Variants in DIAPH2 observed in about 807,000 individuals in gnomAD.
DIAPH2 encodes the protein protein diaphanous homolog 2.
DIAPH2 carries 35 observed loss-of-function variants against 92.7 expected under a neutral mutation model. The ratio of observed to expected loss-of-function variants is 0.38; its 90% CI spans 0.29 to 0.50. The LOEUF is 0.50. Ranked by LOEUF, DIAPH2 falls within the 20% of genes least tolerant of loss-of-function variation. The pLI is 0.94. For missense variants in DIAPH2, 701 were observed against 819.5 expected (o/e 0.86, Z 1.77); for synonymous variants, 301 against 280.4 (o/e 1.07, Z -0.73).
At chrX:97,027,866 C>T (rs1436062529) in intron 17 of DIAPH2, among the ~76,000 whole-genome samples, 1 of 112,105 alleles carries the variant, frequency 8.9e-6, no homozygotes, top group Non-Finnish European at 1.9e-5. Flanking sequence ...ATTGAGTCTC[C>T]CTATGTTTCT....
At chrX:97,018,458 C>T (rs2147869399) in intron 17 of DIAPH2, among the ~76,000 whole-genome samples, 1 of 112,021 alleles carries the variant, frequency 8.9e-6, no homozygotes, top group East Asian at 2.8e-4. Flanking sequence ...ACAGCATTGC[C>T]AGTAGACCAA....
At chrX:96,721,706 T>C (rs2063989396) in intron 1 of DIAPH2, among the ~76,000 whole-genome samples, 1 of 112,012 alleles carries the variant, frequency 8.9e-6, no homozygotes, top group Admixed American at 9.5e-5. Context: ...CATCATACCA[T>C]AGTACTCTGT....
chrX:97,518,604 C>G (rs973194196), intron 26 of DIAPH2, among the ~76,000 whole-genome samples: 1 of 109,183 alleles, frequency 9.2e-6, no homozygotes, highest in Non-Finnish European at 1.9e-5. Flanking sequence ...ATCTAGTTTT[C>G]TCTCAGTAGT....
In DIAPH2 at chrX:96,699,050, GC is replaced by G. The variant is rs771967775; in HGVS notation, c.132+13861del. On this transcript the variant is annotated intron_variant, in intron 1 of 26. Transcript: ENST00000324765. The stretch of plus-strand genomic sequence containing the variant: ...CTGGCTTGATTACCAATGTTAATGA[GC>G]TAATATTTCCATATTGGTTCTGTTC... 2.2e-4 allele frequency among the ~76,000 whole-genome samples: 25 copies of G among 111,127 alleles called. No individual in the cohort carries two copies. In the South Asian group the frequency reaches 9.6e-3, roughly 43 times the overall value.
intron 26 of DIAPH2, among the ~76,000 whole-genome samples, chrX:97,469,334 C>T (rs1048556133): frequency 8.9e-6 from 1 of 111,769 alleles, no homozygotes; most frequent in Admixed American, 9.5e-5. Flanking sequence ...TCAATAGATT[C>T]GAGTAGTGAA....
intron 26 of DIAPH2, among the ~76,000 whole-genome samples, chrX:97,460,048 A>T: frequency 8.9e-6 from 1 of 112,343 alleles, no homozygotes; most frequent in East Asian, 2.8e-4. Context: ...CTAAAGACAG[A>T]GTTCTTTGTC....
chrX:97,262,026 A>C (rs534907239), intron 23 of DIAPH2, among the ~76,000 whole-genome samples: 21 of 108,041 alleles, frequency 1.9e-4, no homozygotes, highest in African/African-American at 7.1e-4. Context: ...ATCAAAAAAA[A>C]GTTTATCAGA....
At chrX:97,355,602 A>G (rs1470965412) in intron 24 of DIAPH2, among the ~76,000 whole-genome samples, 3 of 111,254 alleles carry the variant, frequency 2.7e-5, no homozygotes, top group East Asian at 2.8e-4. Context: ...TCTGAAAACA[A>G]CCTTAAGAAG....
chrX:97,185,855 T>C (rs2067599673), intron 22 of DIAPH2, among the ~76,000 whole-genome samples: 1 of 109,827 alleles, frequency 9.1e-6, no homozygotes, highest in South Asian at 3.9e-4. Context: ...GAACAATGCC[T>C]TATACATTGT....
At chrX:96,939,603 C>T (rs1176730540) in intron 12 of DIAPH2, among the ~76,000 whole-genome samples, 13 of 53,406 alleles carry the variant, frequency 2.4e-4, no homozygotes, top group Admixed American at 9.8e-4. Flanking sequence ...TGTGTATATA[C>T]ACACACACAC....
At chrX:97,463,130 C>T (rs750881171) in intron 26 of DIAPH2, among the ~76,000 whole-genome samples, 1 of 110,444 alleles carries the variant, frequency 9.1e-6, no homozygotes, top group Admixed American at 9.7e-5. Context: ...GCTCTGTGGT[C>T]CTTCACATCA....
At chrX:97,221,472 C>T (rs1197474716) in intron 22 of DIAPH2, among the ~76,000 whole-genome samples, 4 of 111,463 alleles carry the variant, frequency 3.6e-5, no homozygotes, top group African/African-American at 1.3e-4. Context: ...TTATAAAACA[C>T]GTGTATGTAT....
intron 17 of DIAPH2, among the ~76,000 whole-genome samples, chrX:97,013,913 C>T (rs193128277): frequency 1.3e-4 from 15 of 111,746 alleles, no homozygotes; most frequent in South Asian, 3.8e-4. Flanking sequence ...GGAAGGAAGG[C>T]GGAATCAGTG....
chrX:97,595,446 A>G (rs1306165509), intron 26 of DIAPH2, among the ~76,000 whole-genome samples: 3 of 112,100 alleles, frequency 2.7e-5, no homozygotes, highest in Non-Finnish European at 5.6e-5. Context: ...CCTGATATTC[A>G]GAAGCTGCAG....
intron 23 of DIAPH2, among the ~76,000 whole-genome samples, chrX:97,293,794 G>A (rs2068619893): frequency 9.0e-6 from 1 of 111,554 alleles, no homozygotes; most frequent in Non-Finnish European, 1.9e-5. Context: ...AATAGTCTTG[G>A]TTTCACATTT....
At chrX:97,422,132 G>A (rs1490858836) in intron 25 of DIAPH2, among the ~76,000 whole-genome samples, 1 of 111,393 alleles carries the variant, frequency 9.0e-6, no homozygotes, top group East Asian at 2.8e-4. Flanking sequence ...GTAGTTACAT[G>A]GATGTATGCA....
At chrX:97,166,007 A>G (rs1414144591) in intron 22 of DIAPH2, among the ~76,000 whole-genome samples, 1 of 110,534 alleles carries the variant, frequency 9.0e-6, no homozygotes, top group Non-Finnish European at 1.9e-5. Flanking sequence ...CCTTCATCTT[A>G]AGAGAGATGT....
chrX:97,256,348 A>C (rs961752256), intron 23 of DIAPH2, among the ~76,000 whole-genome samples: 1 of 111,990 alleles, frequency 8.9e-6, no homozygotes. Context: ...GAATCTGTGA[A>C]TTTGTTTTCT....
At chrX:96,749,673 T>C (rs1347915681) in intron 3 of DIAPH2, among the ~76,000 whole-genome samples, 2 of 112,126 alleles carry the variant, frequency 1.8e-5, no homozygotes, top group Non-Finnish European at 3.8e-5. Flanking sequence ...GTTGCATTTT[T>C]ATATTTCTAA....
Sources: allele counts gnomAD v4.1 joint callset (sites outside exome capture counted in the v4.1 genomes callset), GRCh38; gene constraint gnomAD v4.1.1; transcripts MANE v1.5; gene names NCBI Gene and HGNC (gene_info 2026-07-23, HGNC 2026-07-21).